XPO6: variants seen among roughly 807,000 people sequenced by gnomAD.
XPO6 encodes exportin-6.
In XPO6, 3 loss-of-function variants were observed where a neutral mutation model predicts 130.0. The observed-to-expected ratio is 0.02, with a 90% CI of 0.01 to 0.06. The LOEUF (loss-of-function observed/expected upper bound fraction) is 0.06. Among genes scored for constraint, XPO6 ranks in the 10% least tolerant of loss-of-function variants. The pLI is 1.00. For missense variants in XPO6, 970 were observed against 1,393.0 expected (o/e 0.70, Z 4.83); for synonymous variants, 524 against 548.9 (o/e 0.95, Z 0.63).
At chr16:28,175,302 C>T (rs1465612098) in intron 4 of XPO6, among the ~76,000 whole-genome samples, 4 of 152,130 alleles carry the variant, frequency 2.6e-5, no homozygotes, top group Non-Finnish European at 5.9e-5. Context: ...CCCCAGCTAG[C>T]CATCATTCCA....
At chr16:28,171,026 GTTTTTCC>G (rs2043440074) in intron 4 of XPO6, among the ~76,000 whole-genome samples, 1 of 149,692 alleles carries the variant, frequency 6.7e-6, no homozygotes, top group Non-Finnish European at 1.5e-5. Flanking sequence ...AGCACTTCAA[GTTTTTCC>G]TTAATCTTAA....
At chr16:28,195,385 A>G (rs2043842234) in intron 1 of XPO6, among the ~76,000 whole-genome samples, 1 of 152,208 alleles carries the variant, frequency 6.6e-6, no homozygotes, top group South Asian at 2.1e-4. Flanking sequence ...ATAGTGAATA[A>G]GCTCTATACA....
chr16:28,160,012 C>G (rs951412673), intron 6 of XPO6, among the ~76,000 whole-genome samples: 1 of 150,970 alleles, frequency 6.6e-6, no homozygotes, highest in African/African-American at 2.4e-5. Flanking sequence ...ATGGTGAAAC[C>G]CTGTCTCTAC....
At chr16:28,205,386 G>A (rs1423449676) in intron 1 of XPO6, among the ~76,000 whole-genome samples, 4 of 152,124 alleles carry the variant, frequency 2.6e-5, no homozygotes, top group African/African-American at 9.7e-5. Flanking sequence ...TCACTTGGAA[G>A]GCCCTTTCTT....
chr16:28,174,262 C>T (rs1371280716), intron 4 of XPO6, among the ~76,000 whole-genome samples: 1 of 152,166 alleles, frequency 6.6e-6, no homozygotes, highest in Non-Finnish European at 1.5e-5. Context: ...TAGATACCCA[C>T]GTGGTGCACG....
At chr16:28,146,938 G>A (rs2042993838) in intron 8 of XPO6, among the ~76,000 whole-genome samples, 1 of 151,962 alleles carries the variant, frequency 6.6e-6, no homozygotes, top group Non-Finnish European at 1.5e-5. Context: ...CAAAGTCCAG[G>A]CAACACAATC....
At position 28,113,054 on chromosome 16, in the gene XPO6, C is replaced by A. The variant is rs78255565; in HGVS notation, c.2005-4G>T. 1.7e-4 allele frequency: 278 copies of A among 1,613,070 alleles called. No homozygotes were observed. In the African/African-American group the frequency reaches 1.9e-3, roughly 11 times the overall value. On this transcript the variant is annotated splice_region_variant and splice_polypyrimidine_tract_variant and intron_variant, in intron 15 of 23. Coordinates refer to ENST00000304658, the MANE Select transcript of XPO6 (RefSeq NM_015171.4). ...ATAGCAGCAGCTTGTCTTGGACCTG[C>A]AGAGGGAAGAGGGCACGTCAGCTCA...
chr16:28,170,154 G>A (rs2043426023), intron 4 of XPO6, among the ~76,000 whole-genome samples: 1 of 151,900 alleles, frequency 6.6e-6, no homozygotes, highest in African/African-American at 2.4e-5. Flanking sequence ...CCAACATGGA[G>A]AAATCCCGTC....
chr16:28,113,437 G>A (rs766202773), intron 15 of XPO6, among the ~76,000 whole-genome samples: 2 of 152,076 alleles, frequency 1.3e-5, no homozygotes, highest in Admixed American at 1.3e-4. Context: ...CCGAGCCCCC[G>A]ACTCTTCTGT....
chr16:28,160,594 T>C (rs1278931502), intron 6 of XPO6, among the ~76,000 whole-genome samples: 3 of 152,182 alleles, frequency 2.0e-5, no homozygotes, highest in African/African-American at 7.2e-5. Flanking sequence ...TTATCTGTCT[T>C]ATCTCTGTGT....
intron 4 of XPO6, among the ~76,000 whole-genome samples, chr16:28,173,336 G>C (rs2043484830): frequency 6.6e-6 from 1 of 152,148 alleles, no homozygotes; most frequent in Admixed American, 6.6e-5. Context: ...GAATAAATAA[G>C]AAGCAGGACA....
Position 28,128,776 on chromosome 16 carries a change from C to A in XPO6, c.1607-2928G>T, listed in dbSNP as rs2042610139. Among the ~76,000 whole-genome samples the A allele has an allele frequency of 2.0e-5, 3 of 152,142 alleles. No individual in the cohort carries two copies. In the South Asian group the frequency reaches 6.2e-4, roughly 31 times the overall value. On this transcript the variant is annotated intron_variant, in intron 12 of 23. Transcript: ENST00000304658. ...CCCTTCCATCTCTGGACAACTTGGT[C>A]ACAAACACGGGTAAAGTAAATCTCC...
intron 10 of XPO6, among the ~76,000 whole-genome samples, chr16:28,134,157 T>G (rs1158224438): frequency 6.6e-6 from 1 of 152,208 alleles, no homozygotes; most frequent in Non-Finnish European, 1.5e-5. Flanking sequence ...AATAAGCTAT[T>G]TTCCCCCCTT....
intron 8 of XPO6, 100 bp downstream of exon 8, chr16:28,152,559 A>G: frequency 7.1e-7 from 1 of 1,407,450 alleles, no homozygotes; most frequent in Non-Finnish European, 9.6e-7. Flanking sequence ...CATTATATTA[A>G]TGTTTGGAAA....
chr16:28,173,325 A>G (rs971662559), intron 4 of XPO6, among the ~76,000 whole-genome samples: 3 of 152,250 alleles, frequency 2.0e-5, no homozygotes, highest in Non-Finnish European at 2.9e-5. Context: ...CTAGTTCACA[A>G]GAATAAATAA....
chr16:28,209,640 CAA>C (rs200663753), intron 1 of XPO6, among the ~76,000 whole-genome samples: 14 of 43,000 alleles, frequency 3.3e-4, no homozygotes, highest in Non-Finnish European at 5.7e-4. Context: ...AACTCCATCT[CAA>C]AAAAAAAAAA....
At chr16:28,103,397 A>G (rs908839318) in intron 21 of XPO6, among the ~76,000 whole-genome samples, 2 of 152,224 alleles carry the variant, frequency 1.3e-5, no homozygotes, top group Non-Finnish European at 2.9e-5. Flanking sequence ...GCTGCTGGAT[A>G]CTCAAAGTGT....
At chr16:28,123,754 A>G (rs922456858) in intron 13 of XPO6, among the ~76,000 whole-genome samples, 1 of 152,234 alleles carries the variant, frequency 6.6e-6, no homozygotes, top group African/African-American at 2.4e-5. Flanking sequence ...ATCCTGTTCT[A>G]CACTAAAAAT....
At chr16:28,142,896 A>G (rs532408952) in intron 9 of XPO6, among the ~76,000 whole-genome samples, 7 of 152,238 alleles carry the variant, frequency 4.6e-5, no homozygotes, top group South Asian at 2.1e-4. Context: ...GTTTTTGTAG[A>G]GACAGGGTCT....
Sources: allele counts gnomAD v4.1 joint callset (sites outside exome capture counted in the v4.1 genomes callset), GRCh38; gene constraint gnomAD v4.1.1; transcripts MANE v1.5; gene names NCBI Gene and HGNC (gene_info 2026-07-23, HGNC 2026-07-21).